YBEY: variants seen among roughly 807,000 people sequenced by gnomAD.
The protein encoded by YBEY is endoribonuclease YbeY.
Under a neutral mutation model 13.5 loss-of-function variants are expected in YBEY, and 15 were observed. That is an observed-to-expected ratio of 1.11 (90% confidence interval 0.75 to 1.72). YBEY has a LOEUF of 1.72. Ranked by LOEUF, YBEY falls within the 40% of genes most tolerant of loss-of-function variation. The pLI, the probability that YBEY is intolerant of heterozygous loss-of-function variation, is 0.00. For synonymous variants in YBEY, 101 were observed against 83.1 expected, an observed-to-expected ratio of 1.21 and a Z score of -1.17; for missense variants, 244 against 208.4, an observed-to-expected ratio of 1.17 and a Z score of -1.05.
intron 2 of YBEY, among the ~76,000 whole-genome samples, chr21:46,290,937 C>T (rs1037005716): frequency 2.2e-4 from 33 of 147,486 alleles, no homozygotes; most frequent in African/African-American, 5.7e-4. Context: ...CCCAGCTACT[C>T]GGGAGGCTGA....
the YBEY span, among the ~76,000 whole-genome samples, chr21:46,303,700 ACAC>A: frequency 9.5e-6 from 1 of 105,576 alleles, no homozygotes; most frequent in Admixed American, 1.1e-4. Context: ...ACACACACAC[ACAC>A]ACAAAATATA....
Position 46,286,991 on chromosome 21 carries a change from A to G in YBEY, c.78A>G (p.Val26=), listed in dbSNP as rs1466898144. 1.1e-5 allele frequency: 18 copies of G among 1,614,002 alleles called. No homozygotes were observed. Among genetic ancestry groups the G allele is most frequent in the Non-Finnish European group, 1.4e-5 (16 of 1,180,030 alleles). The change falls in exon 2 of 5, where the codon GTA becomes GTG. Residue 26 remains valine (V), a synonymous_variant. Coordinates refer to ENST00000397701, the MANE Select transcript of YBEY (RefSeq NM_001314025.2). ...RAPLRSKIEI[V]RRILGVQKFD... The stretch of plus-strand genomic sequence containing the variant: ...CACTTCGCAGTAAGATCGAGATTGT[A>G]AGGAGGATTTTAGGAGTGCAGAAAT...
At chr21:46,290,946 G>A (rs2081674421) in intron 2 of YBEY, among the ~76,000 whole-genome samples, 1 of 150,760 alleles carries the variant, frequency 6.6e-6, no homozygotes, top group Non-Finnish European at 1.5e-5. Flanking sequence ...TCGGGAGGCT[G>A]AGGCAGGAGA....
chr21:46,295,991 T>C (rs2081941174), intron 3 of YBEY, among the ~76,000 whole-genome samples, 171 bp from the exon 4 acceptor site: 1 of 152,142 alleles, frequency 6.6e-6, no homozygotes, highest in South Asian at 2.1e-4. Context: ...CTTTCCATTT[T>C]AGATGGAAGG....
At chr21:46,291,757 A>G (rs16979054) in intron 3 of YBEY, 124,118 of 1,115,926 alleles carry the variant, frequency 0.11, 7,396 homozygotes, top group African/African-American at 0.16. Flanking sequence ...AGACCTGCTG[A>G]ATCAGCTTCT....
intron 3 of YBEY, among the ~76,000 whole-genome samples, chr21:46,292,990 G>A (rs376338517): frequency 4.3e-5 from 1 of 23,098 alleles, no homozygotes; most frequent in Non-Finnish European, 7.7e-5. Flanking sequence ...GACTCAGTGG[G>A]GACAGCCACA....
intron 2 of YBEY, among the ~76,000 whole-genome samples, chr21:46,289,571 G>A (rs957688135): frequency 1.3e-5 from 2 of 148,868 alleles, no homozygotes; most frequent in African/African-American, 2.5e-5. Flanking sequence ...TCAGCCTCCC[G>A]AGTAGCTGGG....
chr21:46,303,735 ATATATATATATTTTTTTTTTT>A, the YBEY span, among the ~76,000 whole-genome samples: 2 of 28,126 alleles, frequency 7.1e-5, no homozygotes, highest in African/African-American at 1.4e-4. Flanking sequence ...ATATATATAT[ATATATATATATTTTTTTTTTT>A]TTTTTTTTTT....
intron 3 of YBEY, among the ~76,000 whole-genome samples, chr21:46,292,846 A>G (rs1355328870): frequency 1.5e-5 from 2 of 132,628 alleles, no homozygotes; most frequent in African/African-American, 5.2e-5. Flanking sequence ...CAGTGGAGTC[A>G]GCCACGCAAG....
chr21:46,302,404 C>T (rs2082146484), downstream of YBEY: 2 of 1,214,880 alleles, frequency 1.6e-6, no homozygotes, highest in East Asian at 2.5e-5. Context: ...TTCAGAGCTA[C>T]ACAGATGCAG....
intron 2 of YBEY, among the ~76,000 whole-genome samples, chr21:46,289,956 ATAGCCTTTGTGCAAGGTTGCAGTTTCG>A: frequency 6.6e-6 from 1 of 152,236 alleles, no homozygotes; most frequent in Non-Finnish European, 1.5e-5. Flanking sequence ...TAAGGTTGTC[ATAGCCTTTGTGCAAGGTTGCAGTTTCG>A]TGTGTGTGTG....
Position 46,290,816 on chromosome 21 carries a change from C to T in YBEY, c.211-518C>T, listed in dbSNP as rs932814931. On this transcript the variant is annotated intron_variant, in intron 2 of 4. Coordinates refer to ENST00000397701, the MANE Select transcript of YBEY (RefSeq NM_001314025.2). ...ATCCCAGCACTTTCGGAGGCCAAGG[C>T]GGGTGGATCACCTGAGGTTGGGAGT... Among the ~76,000 whole-genome samples, 27 of 151,998 alleles carry T rather than the reference C, an allele frequency of 1.8e-4. No homozygotes were observed. In the South Asian group the frequency reaches 4.8e-3, roughly 27 times the overall value.
At chr21:46,313,052 G>A in the YBEY span, 1 of 985,412 alleles carries the variant, frequency 1.0e-6, no homozygotes, top group Non-Finnish European at 1.2e-6. Flanking sequence ...TTCACAGAAA[G>A]GACGGCAGAG....
At chr21:46,288,683 G>GA (rs11420581) in intron 2 of YBEY, among the ~76,000 whole-genome samples, 75 of 131,588 alleles carry the variant, frequency 5.7e-4, no homozygotes, top group African/African-American at 9.4e-4. Context: ...GTCTCAAAAA[G>GA]AAAAAAAAAA....
intron 4 of YBEY, 31 bp from the exon 5 acceptor site, chr21:46,297,508 G>A: frequency 1.5e-6 from 2 of 1,356,128 alleles, no homozygotes; most frequent in South Asian, 1.8e-5. Context: ...CACCTTCCCT[G>A]GGGAGGGCCA....
At chr21:46,305,088 C>T in the YBEY span, among the ~76,000 whole-genome samples, 3 of 152,088 alleles carry the variant, frequency 2.0e-5, no homozygotes, top group Admixed American at 6.6e-5. Flanking sequence ...AGATACTGTA[C>T]GGCTCCATTC....
chr21:46,309,661 CA>C, the YBEY span, among the ~76,000 whole-genome samples: 2 of 151,798 alleles, frequency 1.3e-5, no homozygotes, highest in African/African-American at 4.8e-5. Flanking sequence ...AGAAGCCATA[CA>C]AAAAAAGAGT....
At chr21:46,294,814 T>G (rs536490269) in intron 3 of YBEY, among the ~76,000 whole-genome samples, 1 of 151,922 alleles carries the variant, frequency 6.6e-6, no homozygotes, top group Non-Finnish European at 1.5e-5. Context: ...GAGTGAATCA[T>G]ACTTAACTTG....
rs184784240 is a variant in YBEY, at chr21:46,296,138, G to A, written c.340-24G>A. 167 of 1,613,536 alleles carry A rather than the reference G, an allele frequency of 1.0e-4. 1 individual carries two copies. In the African/African-American group the frequency reaches 1.2e-3, roughly 12 times the overall value. On this transcript the variant is annotated intron_variant, in intron 3 of 4. Coordinates refer to ENST00000397701, the MANE Select transcript of YBEY (RefSeq NM_001314025.2). ...AGGTTCCTGTGGGGTCATCCTCTGAGCCGGTTTAAAATTATTCTGACAGGT... is the reference window on the plus strand; with the variant it reads ...AGGTTCCTGTGGGGTCATCCTCTGAACCGGTTTAAAATTATTCTGACAGGT...
Sources: allele counts gnomAD v4.1 joint callset (sites outside exome capture counted in the v4.1 genomes callset), GRCh38; gene constraint gnomAD v4.1.1; transcripts MANE v1.5; gene names NCBI Gene and HGNC (gene_info 2026-07-23, HGNC 2026-07-21).